The following IGSF3 variants were observed in gnomAD, a reference collection of about 807,000 sequenced individuals.
IGSF3 encodes the protein glu-Trp-Ile EWI motif-containing protein 3.
A neutral mutation model predicts 114.4 loss-of-function variants in IGSF3; 23 were observed. The observed-to-expected ratio is 0.20, with a 90% CI of 0.14 to 0.28. IGSF3 has a LOEUF of 0.28. IGSF3 is among the 10% of genes least tolerant of loss of function. The probability of loss-of-function intolerance (pLI) is 1.00; values close to 1 mark genes in which losing one functional copy is unlikely to be tolerated. For synonymous variants in IGSF3, 571 were observed against 645.2 expected (o/e 0.88, Z 1.74); for missense variants, 1,172 against 1,591.5 (o/e 0.74, Z 4.48).
Position 116,666,960 on chromosome 1 carries a change from A to C in IGSF3, c.-630-4T>G, listed in dbSNP as rs931021998. 46 of 401,730 alleles carry C rather than the reference A, an allele frequency of 1.1e-4. No individual in the cohort carries two copies. The highest frequency in any genetic ancestry group is 1.7e-4 in the Non-Finnish European group (38 of 228,482). 24.9% of individuals were successfully genotyped at this position (401,730 alleles called of 1,614,324 possible). A position where few individuals can be genotyped will look rare whatever the true frequency, so the allele number is the denominator to read the frequency against. On this transcript the variant is annotated splice_region_variant and splice_polypyrimidine_tract_variant and intron_variant, in intron 1 of 10. Transcript: ENST00000369486. ...GTACCCCAGCGCGAGCAGATTTCTA[A>C]AACAAACACAACAGAGATTTTTATC...
In IGSF3 at chr1:116,642,203, G is replaced by T. The variant is rs1201756487; in HGVS notation, c.43+24081C>A. Reference sequence around the variant, plus strand: ...CCCACACACCTCGCATCTGATTTTTGATTTTTAACATGTGCATGGATTACC... The same window carrying T: ...CCCACACACCTCGCATCTGATTTTTTATTTTTAACATGTGCATGGATTACC... On this transcript the variant is annotated intron_variant, in intron 2 of 10. Transcript: ENST00000369486. The surrounding 1 kb of genome is among the most constrained non-coding windows in gnomAD (Gnocchi z 5.4). Among the ~76,000 whole-genome samples, 1 of 151,662 alleles carries T rather than the reference G, an allele frequency of 6.6e-6. No homozygotes were observed. The highest frequency in any genetic ancestry group is 1.5e-5 in the Non-Finnish European group (1 of 67,954).
At chr1:116,666,244 A>C in intron 2 of IGSF3, 40 bp downstream of exon 2, 1 of 1,594,550 alleles carries the variant, frequency 6.3e-7, no homozygotes, top group Non-Finnish European at 8.6e-7. Flanking sequence ...GAGCAGGTTA[A>C]ACTTTCACAT....
rs1414814082 is a variant in IGSF3, at chr1:116,600,146, G to A, written c.1824C>T (p.Asp608=). The A allele has an allele frequency of 9.9e-6, 16 of 1,613,966 alleles. No individual in the cohort carries two copies. Among genetic ancestry groups the A allele is most frequent in the African/African-American group, 2.7e-5 (2 of 74,916 alleles). ...TTCGGGTTCGGAAGCTGGAGGACCT[G>A]TCCCCCCACTGGACCCCTCCGTCCC... ...FTRDGGVQWG[D]RSSSFRTRTA... The change falls in exon 7 of 11, where the codon GAC becomes GAT. Residue 608 remains aspartate (D), a synonymous_variant. Transcript: ENST00000369486. This position sits in a 1 kb window ranked among gnomAD's most constrained non-coding sequence, Gnocchi z 5.5.
rs1010707618 is a variant in IGSF3, at chr1:116,633,562, T to C, written c.44-17105A>G. Among the ~76,000 whole-genome samples the C allele has an allele frequency of 2.6e-5, 4 of 152,140 alleles. No homozygotes were observed. The highest frequency in any genetic ancestry group is 9.7e-5 in the African/African-American group (4 of 41,426). ...TTCCCCTATGCCATGGAAAGGTGCA[T>C]GTAAGTGAGAGAACAAAAAATTTCA... On this transcript the variant is annotated intron_variant, in intron 2 of 10. Transcript: ENST00000369486. This position sits in a 1 kb window ranked among gnomAD's most constrained non-coding sequence, Gnocchi z 4.3.
chr1:116,634,760 T>C lies in IGSF3; in HGVS notation c.44-18303A>G, dbSNP rs565332788. On this transcript the variant is annotated intron_variant, in intron 2 of 10. Transcript: ENST00000369486. This position sits in a 1 kb window ranked among gnomAD's most constrained non-coding sequence, Gnocchi z 4.2. ...CCTGAATCTAGGTGGGCTACAGCTC[T>C]GGTAGAAGTGACACTCTGTGACCTT... Among the ~76,000 whole-genome samples, 1 of 152,272 alleles carries C rather than the reference T, an allele frequency of 6.6e-6. No individual in the cohort carries two copies. Among genetic ancestry groups the C allele is most frequent in the Admixed American group, 6.5e-5 (1 of 15,296 alleles).
chr1:116,601,995 C>T (rs1379541294), intron 6 of IGSF3, among the ~76,000 whole-genome samples: 1 of 152,246 alleles, frequency 6.6e-6, no homozygotes, highest in Admixed American at 6.5e-5. Context: ...TAATGACCCA[C>T]TGTAATTAGA....
rs1660844057 is a variant in IGSF3 at position 116,607,753 on chromosome 1, A to G, written c.1222+189T>C. On this transcript the variant is annotated intron_variant, in intron 5 of 10. Coordinates refer to ENST00000369486, the MANE Select transcript of IGSF3 (RefSeq NM_001007237.3). This position sits in a 1 kb window ranked among gnomAD's most constrained non-coding sequence, Gnocchi z 6.1. ...CTGATCCTGATCCTCTGCTATGGGG[A>G]GCCTGCTACATGTATGCAGGTGGGC... Among the ~76,000 whole-genome samples, 1 of 152,100 alleles carries G rather than the reference A, an allele frequency of 6.6e-6. No homozygotes were observed. The highest frequency in any genetic ancestry group is 1.5e-5 in the Non-Finnish European group (1 of 68,026).
At chr1:116,587,037 G>A (rs142998901) in intron 8 of IGSF3, among the ~76,000 whole-genome samples, 1 of 152,020 alleles carries the variant, frequency 6.6e-6, no homozygotes, top group African/African-American at 2.4e-5. Context: ...GGCAAAGGAG[G>A]GGAACAGACT....
In IGSF3 at chr1:116,615,104, G is replaced by A. The variant is rs1274313637; in HGVS notation, c.422-929C>T. Among the ~76,000 whole-genome samples the A allele has an allele frequency of 3.9e-5, 6 of 151,964 alleles. No individual in the cohort carries two copies. The South Asian group carries it at 6.2e-4, about 16-fold the overall frequency. On this transcript the variant is annotated intron_variant, in intron 3 of 10. Coordinates refer to ENST00000369486, the MANE Select transcript of IGSF3 (RefSeq NM_001007237.3). This position sits in a 1 kb window ranked among gnomAD's most constrained non-coding sequence, Gnocchi z 4.3. ...AGCCTGACCAACATGGAGAAACCCC[G>A]TCTCTACTAAAAATACAAAATTAGC...
chr1:116,647,940 C>T lies in IGSF3; in HGVS notation c.43+18344G>A, dbSNP rs1201034056. Reference sequence around the variant, plus strand: ...CCAACATGAAGAAACCCCATCTCTACTACAAATACAAAAATTAGCTGGGTG... The same window carrying T: ...CCAACATGAAGAAACCCCATCTCTATTACAAATACAAAAATTAGCTGGGTG... On this transcript the variant is annotated intron_variant, in intron 2 of 10. Coordinates refer to ENST00000369486, the MANE Select transcript of IGSF3 (RefSeq NM_001007237.3). The surrounding 1 kb of genome is among the most constrained non-coding windows in gnomAD (Gnocchi z 4.6). Among the ~76,000 whole-genome samples the T allele has an allele frequency of 6.6e-6, 1 of 152,192 alleles. No homozygotes were observed. The highest frequency in any genetic ancestry group is 2.4e-5 in the African/African-American group (1 of 41,444).
intron 5 of IGSF3, among the ~76,000 whole-genome samples, chr1:116,606,326 T>C (rs987571596): frequency 2.6e-5 from 4 of 152,268 alleles, no homozygotes; most frequent in Non-Finnish European, 4.4e-5. Flanking sequence ...TCTTCATTCA[T>C]TAGATGGATA....
intron 2 of IGSF3, among the ~76,000 whole-genome samples, chr1:116,640,037 C>CGAAAAAAAAAAAAAAAAA (rs1261130855): frequency 1.5e-5 from 1 of 65,288 alleles, no homozygotes; most frequent in African/African-American, 5.6e-5. Context: ...GACTCTATCT[C>CGAAAAAAAAAAAAAAAAA]AAAAAAAAAA....
rs988284528 is a variant in IGSF3 at position 116,627,823 on chromosome 1, C to G, written c.44-11366G>C. Reference sequence around the variant, plus strand: ...CTCCCAACACTAGGCCATGGAGACACAAAACTAGAAAATGGGGCTGCCTAG... The same window carrying G: ...CTCCCAACACTAGGCCATGGAGACAGAAAACTAGAAAATGGGGCTGCCTAG... On this transcript the variant is annotated intron_variant, in intron 2 of 10. Transcript: ENST00000369486. The surrounding 1 kb of genome is among the most constrained non-coding windows in gnomAD (Gnocchi z 4.7). Among the ~76,000 whole-genome samples, 43 of 152,282 alleles carry G rather than the reference C, an allele frequency of 2.8e-4. No individual in the cohort carries two copies. Among genetic ancestry groups the G allele is most frequent in the African/African-American group, 9.4e-4 (39 of 41,554 alleles).
intron 2 of IGSF3, among the ~76,000 whole-genome samples, chr1:116,653,151 C>T (rs575750814): frequency 6.6e-6 from 1 of 152,206 alleles, no homozygotes; most frequent in Admixed American, 6.5e-5. Flanking sequence ...CTCTGAATGT[C>T]TTAAGAGATT....
chr1:116,639,966 G>T (rs1648009666), intron 2 of IGSF3, among the ~76,000 whole-genome samples: 1 of 149,612 alleles, frequency 6.7e-6, no homozygotes, highest in Non-Finnish European at 1.5e-5. Flanking sequence ...CCCTTACCCA[G>T]GAGACAGAGG....
In IGSF3 at chr1:116,608,272, C is replaced by G; in HGVS notation, c.892G>C (p.Val298Leu). Residue 298 changes from valine (V) to leucine (L), a missense_variant, in exon 5 of 11, where the codon GTG (valine) becomes CTG (leucine). Coordinates refer to ENST00000369486, the MANE Select transcript of IGSF3 (RefSeq NM_001007237.3). ...GCCTCCAGGATGCATCTGAACTCCACCGGCTCGCCCACCGTGTGCAGCCGC... is the reference window on the plus strand; with the variant it reads ...GCCTCCAGGATGCATCTGAACTCCAGCGGCTCGCCCACCGTGTGCAGCCGC... ...EKRLHTVGEPVEFRCILEAQN... is the reference protein window; with the variant it reads ...EKRLHTVGEPLEFRCILEAQN... The G allele has an allele frequency of 6.2e-7, 1 of 1,611,860 alleles. No individual in the cohort carries two copies. The highest frequency in any genetic ancestry group is 1.7e-4 in the Middle Eastern group (1 of 6,052).
At chr1:116,601,457 G>A (rs1362351551) in intron 6 of IGSF3, among the ~76,000 whole-genome samples, 3 of 152,068 alleles carry the variant, frequency 2.0e-5, no homozygotes, top group Non-Finnish European at 4.4e-5. Flanking sequence ...TTTCCAATCT[G>A]TAAAATGAGT....
chr1:116,600,828 G>A lies in IGSF3; in HGVS notation c.1625-483C>T, dbSNP rs1260753138. Among the ~76,000 whole-genome samples the A allele has an allele frequency of 4.6e-5, 7 of 152,066 alleles. No homozygotes were observed. Among genetic ancestry groups the A allele is most frequent in the East Asian group, 1.9e-4 (1 of 5,194 alleles). On this transcript the variant is annotated intron_variant, in intron 6 of 10. Transcript: ENST00000369486. The surrounding 1 kb of genome is among the most constrained non-coding windows in gnomAD (Gnocchi z 5.5). Reference sequence around the variant, plus strand: ...GCCGAGAAGGGAAGCAGATGGAGTCGGCCTCCAGTCCCTTTCTCACGTCCC... The same window carrying A: ...GCCGAGAAGGGAAGCAGATGGAGTCAGCCTCCAGTCCCTTTCTCACGTCCC...
rs1194839502 is a variant in IGSF3, at chr1:116,638,252, C to G, written c.44-21795G>C. On this transcript the variant is annotated intron_variant, in intron 2 of 10. Transcript: ENST00000369486. This position sits in a 1 kb window ranked among gnomAD's most constrained non-coding sequence, Gnocchi z 4.1. ...GGACTCCTGCTCCTCTCTCCCTAGT[C>G]TCTCCTGTGTCACTGCCACTTGTCA... is the stretch of plus-strand genomic sequence containing the variant. Among the ~76,000 whole-genome samples, 2 of 152,208 alleles carry G rather than the reference C, an allele frequency of 1.3e-5. No individual in the cohort carries two copies. Among genetic ancestry groups the G allele is most frequent in the Non-Finnish European group, 2.9e-5 (2 of 68,042 alleles).
Sources: gnomAD v4.1 joint callset for allele counts (sites outside exome capture counted in the v4.1 genomes callset) on GRCh38, gnomAD v4.1.1 for gene constraint, Gnocchi (gnomAD v3.1) non-coding constraint, MANE v1.5 for transcripts, NCBI Gene and HGNC (gene_info 2026-07-23, HGNC 2026-07-21) for gene names.